ATG5: variants seen among roughly 807,000 people sequenced by gnomAD.
ATG5 encodes autophagy protein 5.
In ATG5, 14 loss-of-function variants were observed where a neutral mutation model predicts 36.5. That is an observed-to-expected ratio of 0.38 (90% CI 0.25 to 0.60). The LOEUF (loss-of-function observed/expected upper bound fraction) is 0.60, where lower values mean the gene tolerates loss of function less well. Among genes scored for constraint, ATG5 ranks in the 20% least tolerant of loss-of-function variants. The pLI is 0.60. For missense variants in ATG5, 195 were observed against 326.7 expected (o/e 0.60, Z 3.11); for synonymous variants, 95 against 101.5 (o/e 0.94, Z 0.38).
intron 5 of ATG5, among the ~76,000 whole-genome samples, chr6:106,276,265 C>T (rs369480470): frequency 3.3e-5 from 5 of 152,054 alleles, no homozygotes; most frequent in Non-Finnish European, 7.4e-5. Flanking sequence ...GAGATCGAGA[C>T]CATCCTGGCT....
intron 1 of ATG5, among the ~76,000 whole-genome samples, chr6:106,316,967 C>T (rs1395418192): frequency 6.6e-6 from 1 of 152,090 alleles, no homozygotes; most frequent in Non-Finnish European, 1.5e-5. Context: ...CTCTGCAAAC[C>T]ATGCTCACAG....
chr6:106,217,268 G>T (rs1777075906), intron 6 of ATG5, among the ~76,000 whole-genome samples: 2 of 151,986 alleles, frequency 1.3e-5, no homozygotes, highest in Admixed American at 1.3e-4. Flanking sequence ...AAATAACTTT[G>T]TCTTAACTGT....
At chr6:106,201,275 A>ATGTGTGTGTGTGTGTG (rs138478446) in intron 7 of ATG5, among the ~76,000 whole-genome samples, 21 of 149,316 alleles carry the variant, frequency 1.4e-4, no homozygotes, top group African/African-American at 3.9e-4. Flanking sequence ...TCAAGTGTAT[A>ATGTGTGTGTGTGTGTG]TGTGTGTGTG....
intron 6 of ATG5, among the ~76,000 whole-genome samples, chr6:106,208,426 T>C (rs557835099): frequency 5.3e-5 from 8 of 152,360 alleles, no homozygotes; most frequent in African/African-American, 1.7e-4. Context: ...TTTAATACTA[T>C]GCAAACTGTG....
At chr6:106,221,773 C>T (rs1054852076) in intron 6 of ATG5, among the ~76,000 whole-genome samples, 1 of 151,442 alleles carries the variant, frequency 6.6e-6, no homozygotes, top group African/African-American at 2.4e-5. Context: ...TACTTATATT[C>T]CCAAAGACAT....
intron 6 of ATG5, among the ~76,000 whole-genome samples, chr6:106,216,442 T>C (rs1419869376): frequency 6.6e-6 from 1 of 152,088 alleles, no homozygotes; most frequent in African/African-American, 2.4e-5. Context: ...TGATACATGC[T>C]ACAAAATGAA....
Position 106,308,490 on chromosome 6 carries a change from A to G in ATG5, c.110T>C (p.Leu37Ser). The stretch of plus-strand genomic sequence containing the variant: ...CAAATAACTTACTCTTGGCAAAAGC[A>G]ACTGAAATGAAAATTTGTAAAACCG... Reference protein sequence around the residue: ...ITEREAEPYYLLLPRVSYLTL... With the variant: ...ITEREAEPYYSLLPRVSYLTL... Residue 37 changes from leucine to serine, a missense_variant and splice_region_variant, in exon 3 of 8, where the codon TTG becomes TCG. Coordinates refer to ENST00000369076, the MANE Select transcript of ATG5 (RefSeq NM_004849.4). The G allele has an allele frequency of 6.5e-7, 1 of 1,550,062 alleles. No homozygotes were observed. The highest frequency in any genetic ancestry group is 8.7e-7 in the Non-Finnish European group (1 of 1,151,568).
At chr6:106,203,607 T>A (rs1447884900) in intron 6 of ATG5, among the ~76,000 whole-genome samples, 1 of 152,162 alleles carries the variant, frequency 6.6e-6, no homozygotes, top group Non-Finnish European at 1.5e-5. Context: ...CATACATATT[T>A]TTTGTTTGCT....
intron 6 of ATG5, among the ~76,000 whole-genome samples, chr6:106,222,411 G>C (rs553797558): frequency 6.6e-6 from 1 of 152,222 alleles, no homozygotes; most frequent in African/African-American, 2.4e-5. Flanking sequence ...CCTAATTGAT[G>C]ATTAGGAAAA....
chr6:106,239,733 T>C (rs979017357), intron 6 of ATG5, among the ~76,000 whole-genome samples: 1 of 152,262 alleles, frequency 6.6e-6, no homozygotes, highest in Non-Finnish European at 1.5e-5. Context: ...GAGTAAACTA[T>C]GGCCCACTGG....
At chr6:106,286,637 A>C (rs531535679) in intron 4 of ATG5, among the ~76,000 whole-genome samples, 8 of 152,228 alleles carry the variant, frequency 5.3e-5, no homozygotes, top group African/African-American at 1.7e-4. Context: ...AGGTGATGGG[A>C]TGTTACCCCA....
chr6:106,188,730 T>C (rs1775863387), intron 7 of ATG5, among the ~76,000 whole-genome samples: 1 of 152,208 alleles, frequency 6.6e-6, no homozygotes, highest in African/African-American at 2.4e-5. Flanking sequence ...ACTGATTCTC[T>C]GGTTTAGAAG....
chr6:106,234,830 A>G (rs569037986), intron 6 of ATG5, among the ~76,000 whole-genome samples: 14 of 152,334 alleles, frequency 9.2e-5, no homozygotes, highest in Admixed American at 3.3e-4. Context: ...CAAGAACTCA[A>G]TGGTGACATG....
intron 5 of ATG5, among the ~76,000 whole-genome samples, chr6:106,277,097 T>C (rs973105749): frequency 6.6e-6 from 1 of 152,190 alleles, no homozygotes; most frequent in African/African-American, 2.4e-5. Flanking sequence ...GTATACACTG[T>C]CATAAAATGC....
chr6:106,318,789 T>C (rs759243800), intron 1 of ATG5, among the ~76,000 whole-genome samples: 3 of 152,214 alleles, frequency 2.0e-5, no homozygotes, highest in Non-Finnish European at 2.9e-5. Context: ...TTATAGGATC[T>C]TAAAATGTTA....
intron 7 of ATG5, among the ~76,000 whole-genome samples, chr6:106,193,904 AT>A (rs1776071566): frequency 6.6e-6 from 1 of 152,202 alleles, no homozygotes; most frequent in African/African-American, 2.4e-5. Flanking sequence ...TGGTAAGAGA[AT>A]TTTGTTTTCT....
At chr6:106,255,054 G>C (rs1251773193) in intron 5 of ATG5, among the ~76,000 whole-genome samples, 11 of 152,064 alleles carry the variant, frequency 7.2e-5, no homozygotes, top group Admixed American at 7.2e-4. Context: ...TCACCCTGTG[G>C]GCACAATTTA....
intron 6 of ATG5, among the ~76,000 whole-genome samples, chr6:106,210,911 A>G (rs1489100150): frequency 6.6e-6 from 1 of 152,120 alleles, no homozygotes; most frequent in Non-Finnish European, 1.5e-5. Flanking sequence ...TCTCAACAGA[A>G]CTCTACTGAA....
intron 3 of ATG5, among the ~76,000 whole-genome samples, chr6:106,304,943 T>C (rs938391925): frequency 2.0e-5 from 3 of 152,036 alleles, no homozygotes; most frequent in Non-Finnish European, 2.9e-5. Context: ...AATACAAAAA[T>C]TAGCTGGCGT....
Sources: gnomAD v4.1 joint callset for allele counts (sites outside exome capture counted in the v4.1 genomes callset) on GRCh38, gnomAD v4.1.1 for gene constraint, MANE v1.5 for transcripts, NCBI Gene and HGNC (gene_info 2026-07-23, HGNC 2026-07-21) for gene names.